The following LGI1 variants were observed in gnomAD, a reference collection of about 807,000 sequenced individuals.
The protein encoded by LGI1 is leucine rich glioma inactivated 1.
LGI1 carries 11 observed loss-of-function variants against 57.7 expected under a neutral mutation model. That is an observed-to-expected ratio of 0.19 (90% CI 0.12 to 0.32). LGI1 has a LOEUF of 0.32. Among genes scored for constraint, LGI1 ranks in the 10% least tolerant of loss-of-function variants. LGI1 has a pLI of 1.00. For synonymous variants in LGI1, 222 were observed against 241.9 expected (o/e 0.92, Z 0.76); for missense variants, 422 against 661.9 (o/e 0.64, Z 3.98).
At chr10:93,768,966 G>A (rs1211585504) in intron 2 of LGI1, 2 of 152,204 alleles carry the variant, frequency 1.3e-5, no homozygotes, top group Non-Finnish European at 2.9e-5. Flanking sequence ...AAGGTTGAGA[G>A]TCAAAAAGAA....
At chr10:93,771,923 C>T (rs2059745787) in intron 2 of LGI1, 1 of 148,962 alleles carries the variant, frequency 6.7e-6, no homozygotes, top group Non-Finnish European at 1.5e-5. Context: ...GGTGGTGAGC[C>T]GAGATCGTGC....
chr10:93,787,804 G>T (rs1033491783), intron 4 of LGI1, among the ~76,000 whole-genome samples: 5 of 151,738 alleles, frequency 3.3e-5, no homozygotes, highest in African/African-American at 1.2e-4. Flanking sequence ...CTACTGGAGA[G>T]GCTGAGCCCA....
intron 4 of LGI1, chr10:93,779,061 G>T (rs939727632): frequency 6.6e-6 from 1 of 152,158 alleles, no homozygotes; most frequent in African/African-American, 2.4e-5. Context: ...TGCAAAGATG[G>T]CTGTTTACAG....
chr10:93,760,980 C>T (rs867065827), intron 2 of LGI1, among the ~76,000 whole-genome samples: 1 of 152,186 alleles, frequency 6.6e-6, no homozygotes, highest in Non-Finnish European at 1.5e-5. Flanking sequence ...AAGTTTGTCC[C>T]TAATCTCCAG....
At chr10:93,787,684 G>T (rs1384027356) in intron 4 of LGI1, among the ~76,000 whole-genome samples, 2 of 152,084 alleles carry the variant, frequency 1.3e-5, no homozygotes, top group Non-Finnish European at 2.9e-5. Context: ...GAGGCATGAG[G>T]ATAGCTTGAG....
At chr10:93,771,785 G>A (rs2059744456) in intron 2 of LGI1, 1 of 152,194 alleles carries the variant, frequency 6.6e-6, no homozygotes, top group South Asian at 2.1e-4. Context: ...AGACCAGCCT[G>A]ACCAACATGG....
chr10:93,770,113 C>G (rs373025549), intron 2 of LGI1: 1 of 152,348 alleles, frequency 6.6e-6, no homozygotes, highest in Admixed American at 6.5e-5. Context: ...ATTCCACATG[C>G]CTACTCTTTC....
intron 5 of LGI1, chr10:93,792,432 A>G (rs2134020419): frequency 3.4e-6 from 1 of 295,160 alleles, no homozygotes; most frequent in Non-Finnish European, 6.4e-6. Context: ...TAATGTGGCT[A>G]TAGAAAATTT....
intron 4 of LGI1, chr10:93,778,688 T>C (rs1302387046): frequency 1.3e-5 from 2 of 152,228 alleles, no homozygotes; most frequent in East Asian, 3.8e-4. Flanking sequence ...CTACCTAATA[T>C]GTATCTTATC....
At chr10:93,792,962 CTT>C (rs751606408) in intron 6 of LGI1, 50 bp downstream of exon 6, 1 of 1,535,306 alleles carries the variant, frequency 6.5e-7, no homozygotes. Flanking sequence ...TAAGGGCTAC[CTT>C]TTTTTTTCAT....
intron 2 of LGI1, chr10:93,762,789 T>C (rs937163829): frequency 8.5e-5 from 13 of 152,258 alleles, no homozygotes; most frequent in African/African-American, 3.1e-4. Context: ...TTTTAAATTT[T>C]ATTTTAGATT....
chr10:93,764,905 C>T (rs2059658709), intron 2 of LGI1: 1 of 152,120 alleles, frequency 6.6e-6, no homozygotes, highest in Admixed American at 6.6e-5. Context: ...TTTTGTGGTT[C>T]TACACACAGT....
chr10:93,771,352 G>A (rs2059736643), intron 2 of LGI1: 1 of 152,206 alleles, frequency 6.6e-6, no homozygotes, highest in African/African-American at 2.4e-5. Flanking sequence ...GATATTTAAA[G>A]AATGAAATCA....
chr10:93,792,609 G>A, intron 5 of LGI1, 134 bp from the exon 6 acceptor site: 1 of 863,514 alleles, frequency 1.2e-6, no homozygotes, highest in Non-Finnish European at 2.0e-6. Flanking sequence ...TGGTCAGTCA[G>A]GTTCCAGGCA....
chr10:93,785,431 C>A (rs978840592), intron 4 of LGI1, among the ~76,000 whole-genome samples: 4 of 152,124 alleles, frequency 2.6e-5, no homozygotes, highest in Admixed American at 2.6e-4. Flanking sequence ...CTCAGTTTTG[C>A]AGATGTCAAA....
In LGI1 at chr10:93,758,368, C is replaced by G; in HGVS notation, c.215+9C>G. The G allele has an allele frequency of 6.2e-7, 1 of 1,612,038 alleles. No homozygotes were observed. The highest frequency in any genetic ancestry group is 8.5e-7 in the Non-Finnish European group (1 of 1,178,248). On this transcript the variant is annotated intron_variant, in intron 1 of 7. Coordinates refer to ENST00000371418, the MANE Select transcript of LGI1 (RefSeq NM_005097.4). The surrounding 1 kb of genome is among the most constrained non-coding windows in gnomAD (Gnocchi z 4.7). ...CCTGATGTTATCTCATTGTAAGGCC[C>G]GTAAGCATTTTGATATCTAATTTAC...
chr10:93,775,050 GT>G (rs1032464148), intron 2 of LGI1, among the ~76,000 whole-genome samples: 7 of 152,194 alleles, frequency 4.6e-5, no homozygotes, highest in Admixed American at 2.0e-4. Context: ...GCCAGAGGGT[GT>G]TTTTTTAGCT....
intron 7 of LGI1, among the ~76,000 whole-genome samples, chr10:93,796,095 G>A (rs1275358942): frequency 6.6e-6 from 1 of 152,202 alleles, no homozygotes; most frequent in South Asian, 2.1e-4. Flanking sequence ...CTAGGCCACT[G>A]ACAGATCCCA....
At chr10:93,793,441 T>C in intron 7 of LGI1, 91 bp downstream of exon 7, 1 of 1,129,110 alleles carries the variant, frequency 8.9e-7, no homozygotes, top group Non-Finnish European at 1.3e-6. Flanking sequence ...GGGAATGCTT[T>C]AGCATTTGAA....
Sources: allele counts gnomAD v4.1 joint callset (sites outside exome capture counted in the v4.1 genomes callset), GRCh38; gene constraint gnomAD v4.1.1; non-coding constraint Gnocchi (gnomAD v3.1); transcripts MANE v1.5; gene names NCBI Gene and HGNC (gene_info 2026-07-23, HGNC 2026-07-21).